The following XKR6 variants were observed in gnomAD, a reference collection of about 807,000 sequenced individuals.
XKR6 encodes XK related 6.
Under a neutral mutation model 56.7 loss-of-function variants are expected in XKR6, and 22 were observed. The ratio of observed to expected loss-of-function variants is 0.39; its 90% CI spans 0.28 to 0.55. The LOEUF (loss-of-function observed/expected upper bound fraction) is 0.55. Ranked by LOEUF, XKR6 falls within the 20% of genes least tolerant of loss-of-function variation. XKR6 has a pLI of 0.66. For missense variants in XKR6, 852 were observed against 889.0 expected (o/e 0.96, Z 0.53); for synonymous variants, 524 against 387.8 (o/e 1.35, Z -4.13).
In XKR6 at chr8:11,195,871, C is replaced by T. The variant is rs182686637; in HGVS notation, c.764+4705G>A. 4.0e-3 allele frequency among the ~76,000 whole-genome samples: 608 copies of T among 150,982 alleles called. 9 individuals are homozygous for T. Among genetic ancestry groups the T allele is most frequent in the African/African-American group, 0.014 (577 of 41,054 alleles). ...GTTTCACCATGTTAGCCAGGATGGT[C>T]GCGATCTCCTGACCTCATGATCCGC... On this transcript the variant is annotated intron_variant, in intron 1 of 2. Transcript: ENST00000416569.
chr8:11,173,155 G>A (rs1802463022), intron 1 of XKR6, among the ~76,000 whole-genome samples: 2 of 149,772 alleles, frequency 1.3e-5, no homozygotes, highest in South Asian at 4.2e-4. Flanking sequence ...CTAACACGGT[G>A]AAACCCCGTC....
At chr8:11,183,735 G>C (rs966096123) in intron 1 of XKR6, among the ~76,000 whole-genome samples, 3 of 152,166 alleles carry the variant, frequency 2.0e-5, no homozygotes, top group Non-Finnish European at 4.4e-5. Context: ...GAGGTCCTAA[G>C]ATCTGTGTTG....
chr8:10,951,945 C>T (rs1801737219), intron 1 of XKR6, among the ~76,000 whole-genome samples: 1 of 152,146 alleles, frequency 6.6e-6, no homozygotes, highest in African/African-American at 2.4e-5. Context: ...ACCAAGAGGC[C>T]ACAGCCAGCC....
intron 1 of XKR6, among the ~76,000 whole-genome samples, chr8:10,960,017 C>G (rs1271992996): frequency 1.3e-5 from 2 of 152,098 alleles, no homozygotes; most frequent in South Asian, 2.1e-4. Context: ...CAGGGGGGGG[C>G]CTCCTTAAAA....
At chr8:11,144,223 A>AGTGTGTGTGT (rs35351104) in intron 1 of XKR6, among the ~76,000 whole-genome samples, 8,844 of 136,400 alleles carry the variant, frequency 0.065, 321 homozygotes, top group African/African-American at 0.097. Flanking sequence ...TTAAATAAAA[A>AGTGTGTGTGT]GTGTGTGTGT....
At chr8:10,960,201 C>T (rs28565566) in intron 1 of XKR6, among the ~76,000 whole-genome samples, 67 of 151,182 alleles carry the variant, frequency 4.4e-4, no homozygotes, top group African/African-American at 1.6e-3. Flanking sequence ...GGTGCAGGTA[C>T]AGCAGGTGGG....
intron 1 of XKR6, among the ~76,000 whole-genome samples, chr8:11,128,546 G>C (rs373438788): frequency 7.2e-5 from 11 of 152,276 alleles, no homozygotes; most frequent in African/African-American, 2.4e-4. Flanking sequence ...GGGACTGCAG[G>C]AAAGCAGTTG....
At chr8:10,978,954 G>A (rs1374804621) in intron 1 of XKR6, among the ~76,000 whole-genome samples, 6 of 152,138 alleles carry the variant, frequency 3.9e-5, no homozygotes, top group Non-Finnish European at 8.8e-5. Flanking sequence ...CACAGAGACC[G>A]TACCCTCGGG....
intron 1 of XKR6, among the ~76,000 whole-genome samples, chr8:11,089,614 G>A (rs1469519160): frequency 6.6e-6 from 1 of 152,124 alleles, no homozygotes; most frequent in Admixed American, 6.5e-5. Flanking sequence ...TTCTGCCTAG[G>A]TGACAGAGTG....
intron 1 of XKR6, chr8:11,108,309 A>C (rs960224273): frequency 5.9e-5 from 27 of 456,176 alleles, no homozygotes; most frequent in Admixed American, 5.4e-4. Flanking sequence ...TGCAGATTTA[A>C]GTGTTATGAA....
At chr8:10,954,667 CT>C (rs1801821050) in intron 1 of XKR6, among the ~76,000 whole-genome samples, 1 of 152,046 alleles carries the variant, frequency 6.6e-6, no homozygotes, top group Non-Finnish European at 1.5e-5. Flanking sequence ...TTGATGAAGT[CT>C]TATCTGTCCA....
At chr8:11,185,617 T>A (rs887422015) in intron 1 of XKR6, among the ~76,000 whole-genome samples, 4 of 152,210 alleles carry the variant, frequency 2.6e-5, no homozygotes, top group African/African-American at 9.7e-5. Flanking sequence ...TGGCACCCAA[T>A]AAAGTCTCCA....
intron 1 of XKR6, among the ~76,000 whole-genome samples, chr8:11,079,560 A>G (rs1198821828): frequency 1.3e-5 from 2 of 152,214 alleles, no homozygotes; most frequent in Non-Finnish European, 2.9e-5. Flanking sequence ...CTGGAAGGGG[A>G]AAAAGGAAAT....
At chr8:11,129,793 C>T (rs765663177) in intron 1 of XKR6, among the ~76,000 whole-genome samples, 1 of 151,656 alleles carries the variant, frequency 6.6e-6, no homozygotes, top group Admixed American at 6.6e-5. Flanking sequence ...TTCTATCCAG[C>T]CAAGCCAACT....
chr8:11,190,441 G>A (rs542741431), intron 1 of XKR6, among the ~76,000 whole-genome samples: 2 of 152,154 alleles, frequency 1.3e-5, no homozygotes, highest in Non-Finnish European at 2.9e-5. Context: ...TTTGTGTAAT[G>A]TGGAAGTCAC....
intron 1 of XKR6, among the ~76,000 whole-genome samples, chr8:11,172,191 G>A (rs781698017): frequency 2.6e-5 from 4 of 151,736 alleles, no homozygotes; most frequent in Non-Finnish European, 5.9e-5. Context: ...GCAACATGGC[G>A]AACACCCATC....
intron 1 of XKR6, among the ~76,000 whole-genome samples, chr8:10,948,241 G>A (rs1210646040): frequency 1.3e-5 from 2 of 152,206 alleles, no homozygotes; most frequent in Non-Finnish European, 2.9e-5. Context: ...AAGAACTAGA[G>A]CACTGGGATT....
rs1399066112 is a variant in XKR6, at chr8:10,963,329, T to TA, written c.765-38500dup. Among the ~76,000 whole-genome samples the TA allele has an allele frequency of 3.0e-4, 46 of 152,340 alleles. 1 individual carries two copies. Among genetic ancestry groups the TA allele is most frequent in the African/African-American group, 1.0e-3 (43 of 41,580 alleles). On this transcript the variant is annotated intron_variant, in intron 1 of 2. Coordinates refer to ENST00000416569, the MANE Select transcript of XKR6 (RefSeq NM_173683.4). ...CGAGGCCTTTCTCGACCACCCTGTT[T>TA]AAAAGAGCAGCCCTGCTCCAAATGT...
intron 1 of XKR6, among the ~76,000 whole-genome samples, chr8:11,071,898 C>G (rs2129167260): frequency 6.6e-6 from 1 of 152,336 alleles, no homozygotes; most frequent in African/African-American, 2.4e-5. Flanking sequence ...ACTGTGTCCT[C>G]TGAATATATG....
Sources: allele counts gnomAD v4.1 joint callset (sites outside exome capture counted in the v4.1 genomes callset), GRCh38; gene constraint gnomAD v4.1.1; transcripts MANE v1.5; gene names NCBI Gene and HGNC (gene_info 2026-07-23, HGNC 2026-07-21).